MEAK7: variants seen among roughly 807,000 people sequenced by gnomAD.
MEAK7 encodes the protein MTOR-associated protein MEAK7.
Under a neutral mutation model 40.5 loss-of-function variants are expected in MEAK7, and 68 were observed. That is an observed-to-expected ratio of 1.68 (90% CI 1.38 to 2.06). The LOEUF is 2.06. Ranked by LOEUF, MEAK7 falls within the 30% of genes most tolerant of loss-of-function variation. The pLI, the probability that MEAK7 is intolerant of heterozygous loss-of-function variation, is 0.00. For missense variants in MEAK7, 918 were observed against 580.5 expected (o/e 1.58, Z -5.98); for synonymous variants, 338 against 231.9 (o/e 1.46, Z -4.16).
In MEAK7 at chr16:84,476,481, A is replaced by G. The variant is rs576691893; in HGVS notation, c.*3432T>C. 6.6e-6 allele frequency: 1 copy of G among 152,160 alleles called. No homozygotes were observed. The highest frequency in any genetic ancestry group is 1.5e-5 in the Non-Finnish European group (1 of 68,032). 9.4% of individuals were successfully genotyped at this position (152,160 alleles called of 1,614,324 possible). On this transcript the variant is annotated 3_prime_UTR_variant, in exon 8 of 8. Coordinates refer to ENST00000343629, the MANE Select transcript of MEAK7 (RefSeq NM_020947.4). ...TCATCTATATCTAAATAAAAGGCAT[A>G]TACCTCTCAATCCAACAATTCCAAT...
chr16:84,486,896 G>C lies in MEAK7; in HGVS notation c.693C>G (p.Val231=). Residue 231 remains valine (V), a synonymous_variant, in exon 5 of 8, where the codon GTC becomes GTG. Coordinates refer to ENST00000343629, the MANE Select transcript of MEAK7 (RefSeq NM_020947.4). ...LCSSLDLTTL[V]PERQVDQGRG... Reference sequence around the variant, plus strand: ...TGCCCTGGTCCACTTGACGCTCAGGGACCAGGGTAGTCAGATCAAGAGACG... The same window carrying C: ...TGCCCTGGTCCACTTGACGCTCAGGCACCAGGGTAGTCAGATCAAGAGACG... 1 of 1,614,188 alleles carries C rather than the reference G, an allele frequency of 6.2e-7. No homozygotes were observed. Among genetic ancestry groups the C allele is most frequent in the South Asian group, 1.1e-5 (1 of 91,080 alleles).
chr16:84,500,204 T>C (rs1302177797), intron 1 of MEAK7, among the ~76,000 whole-genome samples: 1 of 152,216 alleles, frequency 6.6e-6, no homozygotes, highest in African/African-American at 2.4e-5. Context: ...CTTTTGCTTA[T>C]CCATCATTAG....
chr16:84,481,467 C>G (rs11640539), intron 6 of MEAK7, among the ~76,000 whole-genome samples: 3 of 152,214 alleles, frequency 2.0e-5, no homozygotes, highest in African/African-American at 7.2e-5. Context: ...TCACTCCTGC[C>G]GCCACCAGAC....
intron 5 of MEAK7, among the ~76,000 whole-genome samples, chr16:84,485,375 G>C: frequency 6.6e-6 from 1 of 152,180 alleles, no homozygotes; most frequent in East Asian, 1.9e-4. Context: ...CCTCAACCTG[G>C]TGACCCCTGC....
Position 84,478,925 on chromosome 16 carries a change from C to T in MEAK7, c.*988G>A, listed in dbSNP as rs1314505064. 1 of 152,212 alleles carries T rather than the reference C, an allele frequency of 6.6e-6. No homozygotes were observed. The highest frequency in any genetic ancestry group is 1.5e-5 in the Non-Finnish European group (1 of 68,046). 9.4% of individuals were successfully genotyped at this position (152,212 alleles called of 1,614,324 possible). A position where few individuals can be genotyped will look rare whatever the true frequency, so the allele number is the denominator to read the frequency against. ...ACTCACCACTGATTTATGGAATGGA[C>T]CATATACGTATTTATCAACCAAGTT... On this transcript the variant is annotated 3_prime_UTR_variant, in exon 8 of 8. Coordinates refer to ENST00000343629, the MANE Select transcript of MEAK7 (RefSeq NM_020947.4).
chr16:84,480,698 C>A lies in MEAK7; in HGVS notation c.1088G>T (p.Gly363Val), dbSNP rs770312745. 1.3e-5 allele frequency: 21 copies of A among 1,611,488 alleles called. No homozygotes were observed. The highest frequency in any genetic ancestry group is 2.2e-5 in the East Asian group (1 of 44,808). ...QTIPNGLGMG[G>V]QHNYFGLWVD... ...CCAAAGCCCAAAGTAATTGTGCTGC[C>A]CCCCCATACCCTGCAAAGGAAGCCA... The change falls in exon 7 of 8, where the codon GGG becomes GTG. Residue 363 changes from glycine (G) to valine (V), a missense_variant. Gly to Val is a moderately radical substitution (Grantham distance 109, BLOSUM62 -3). Transcript: ENST00000343629.
chr16:84,486,993 C>G lies in MEAK7; in HGVS notation c.596G>C (p.Trp199Ser), dbSNP rs1913142713. Residue 199 changes from tryptophan to serine, a missense_variant, in exon 5 of 8, where the codon TGG (tryptophan) becomes TCG (serine). Physicochemically the swap from Trp to Ser is radical, Grantham distance 177 (BLOSUM62 -3). Transcript: ENST00000343629. ...GGCCACATGGGGGACCCTGAACACC[C>G]AGTCCTCGATCACAGCTCGGTCACA... ...YDCDRAVIED[W>S]VFRVPHVAIF... 6.2e-7 allele frequency: 1 copy of G among 1,614,034 alleles called. No individual in the cohort carries two copies. The highest frequency in any genetic ancestry group is 1.7e-5 in the Admixed American group (1 of 59,990).
intron 1 of MEAK7, among the ~76,000 whole-genome samples, chr16:84,503,319 T>C (rs558539589): frequency 6.6e-6 from 1 of 152,358 alleles, no homozygotes; most frequent in East Asian, 1.9e-4. Flanking sequence ...CTAGGTGATG[T>C]CTGATCACCC....
At chr16:84,503,856 C>T (rs1301892728) in intron 1 of MEAK7, 2 of 875,426 alleles carry the variant, frequency 2.3e-6, no homozygotes, top group African/African-American at 1.8e-5. Flanking sequence ...AGAGCTTCTC[C>T]AACAGGCTGT....
intron 1 of MEAK7, chr16:84,502,607 G>C (rs1264905271): frequency 6.6e-6 from 1 of 151,964 alleles, no homozygotes; most frequent in East Asian, 1.9e-4. Context: ...GGGACTGAAA[G>C]CTTTCCATCA....
chr16:84,502,500 A>G (rs953550642), intron 1 of MEAK7, among the ~76,000 whole-genome samples: 6 of 152,062 alleles, frequency 3.9e-5, no homozygotes, highest in Non-Finnish European at 7.4e-5. Context: ...TCTCGAGGCC[A>G]ATGTAGGGTT....
chr16:84,499,005 C>T (rs992153769), intron 1 of MEAK7, among the ~76,000 whole-genome samples: 3 of 152,178 alleles, frequency 2.0e-5, no homozygotes, highest in Non-Finnish European at 4.4e-5. Flanking sequence ...CCGTGATTAT[C>T]AACCAAGTCA....
intron 4 of MEAK7, among the ~76,000 whole-genome samples, chr16:84,488,934 G>C (rs1180955566): frequency 1.3e-5 from 2 of 152,046 alleles, no homozygotes; most frequent in African/African-American, 4.8e-5. Context: ...ATAAAAGCTA[G>C]AGGAAAATAA....
Position 84,498,067 on chromosome 16 carries a change from C to G in MEAK7, c.20G>C (p.Arg7Pro), listed in dbSNP as rs772813039. The G allele has an allele frequency of 1.2e-6, 2 of 1,612,560 alleles. No homozygotes were observed. The highest frequency in any genetic ancestry group is 1.7e-5 in the Admixed American group (1 of 59,842). MGNSRS[R>P]VGRSFCSQFL... is the part of the protein sequence containing the mutation. ...CTGTGAACAAAAGCTCCGCCCCACACGGCTTCTGCTGTTCCCCATCTGTCC... is the reference window on the plus strand; with the variant it reads ...CTGTGAACAAAAGCTCCGCCCCACAGGGCTTCTGCTGTTCCCCATCTGTCC... The change falls in exon 2 of 8, where the codon CGT (arginine) becomes CCT (proline). Residue 7 changes from arginine (R) to proline (P), a missense_variant. Physicochemically the swap from Arg to Pro is moderately radical, Grantham distance 103. Transcript: ENST00000343629.
rs79171907 is a variant in MEAK7 at position 84,500,374 on chromosome 16, G to A, written c.-25-2263C>T. On this transcript the variant is annotated intron_variant, in intron 1 of 7. Transcript: ENST00000343629. ...ATTCTGTTTAACATTCTGAGGGGCCGCCAAGTGCTCTCCACTCTATAATCC... is the reference window on the plus strand; with the variant it reads ...ATTCTGTTTAACATTCTGAGGGGCCACCAAGTGCTCTCCACTCTATAATCC... Among the ~76,000 whole-genome samples the A allele has an allele frequency of 4.7e-3, 711 of 152,246 alleles. 1 individual carries two copies. The highest frequency in any genetic ancestry group is 0.016 in the African/African-American group (647 of 41,520).
chr16:84,490,276 G>GC (rs1913454471), intron 3 of MEAK7, among the ~76,000 whole-genome samples: 1 of 118,054 alleles, frequency 8.5e-6, no homozygotes. Context: ...TCCCATAGCT[G>GC]GGGGAAAAAA....
At chr16:84,501,093 C>CAAA (rs1273097004) in intron 1 of MEAK7, among the ~76,000 whole-genome samples, 2 of 27,752 alleles carry the variant, frequency 7.2e-5, no homozygotes, top group African/African-American at 1.2e-4. Context: ...AGACTCGTCT[C>CAAA]AAAAAAAAAA....
At chr16:84,495,352 C>T (rs142902926) in intron 3 of MEAK7, among the ~76,000 whole-genome samples, 6 of 152,192 alleles carry the variant, frequency 3.9e-5, no homozygotes, top group Admixed American at 1.3e-4. Context: ...TTACTGAGTG[C>T]AAGACAAACA....
chr16:84,486,725 G>T lies in MEAK7; in HGVS notation c.864C>A (p.His288Gln). Residue 288 changes from histidine to glutamine, a missense_variant, in exon 5 of 8, where the codon CAC becomes CAA. By Grantham distance (24) the His-to-Gln change is conservative. Transcript: ENST00000343629. ...SFSQLCGHIT[H>Q]RGPCVAVLED... ...CGAGGACAGCCACACAGGGTCCCCG[G>T]TGAGTGATGTGGCCACAGAGCTGGG... 2 of 1,614,018 alleles carry T rather than the reference G, an allele frequency of 1.2e-6. No homozygotes were observed. Among genetic ancestry groups the T allele is most frequent in the Non-Finnish European group, 1.7e-6 (2 of 1,179,900 alleles).
Sources: allele counts gnomAD v4.1 joint callset (sites outside exome capture counted in the v4.1 genomes callset), GRCh38; gene constraint gnomAD v4.1.1; transcripts MANE v1.5; gene names NCBI Gene and HGNC (gene_info 2026-07-23, HGNC 2026-07-21).